The following NAGLU variants were observed in gnomAD, a reference collection of about 807,000 sequenced individuals.
NAGLU encodes N-acetyl-alpha-glucosaminidase.
Under a neutral mutation model 43.4 loss-of-function variants are expected in NAGLU, and 34 were observed. The observed-to-expected ratio is 0.78, with a 90% CI of 0.60 to 1.04. The LOEUF (loss-of-function observed/expected upper bound fraction) is 1.04, where lower values mean the gene tolerates loss of function less well. NAGLU is among the 50% of genes least tolerant of loss of function. The probability of loss-of-function intolerance (pLI) is 0.00; values close to 1 mark genes in which losing one functional copy is unlikely to be tolerated. For missense variants in NAGLU, 910 were observed against 993.7 expected, an observed-to-expected ratio of 0.92 and a Z score of 1.13; for synonymous variants, 425 against 437.6, an observed-to-expected ratio of 0.97 and a Z score of 0.36.
chr17:42,537,301 C>A, intron 1 of NAGLU, 97 bp from the exon 2 acceptor site: 2 of 1,582,698 alleles, frequency 1.3e-6, no homozygotes, highest in South Asian at 2.2e-5. Flanking sequence ...GAGTTTGGAG[C>A]CCCTCCCCTC....
chr17:42,537,509 A>C lies in NAGLU; in HGVS notation c.495A>C (p.Ala165=). The change falls in exon 2 of 6, where the codon GCA becomes GCC. Residue 165 remains alanine, a synonymous_variant. Coordinates refer to ENST00000225927, the MANE Select transcript of NAGLU (RefSeq NM_000263.4). ...DWMALNGINL[A]LAWSGQEAIW... is the part of the protein sequence containing the mutation. The stretch of plus-strand genomic sequence containing the variant: ...TGGCGCTGAATGGCATCAACCTGGC[A>C]CTGGCCTGGAGCGGCCAGGAGGCCA... 6.2e-7 allele frequency: 1 copy of C among 1,614,150 alleles called. No homozygotes were observed. The highest frequency in any genetic ancestry group is 8.5e-7 in the Non-Finnish European group (1 of 1,180,016).
chr17:42,543,128 C>G lies in NAGLU; in HGVS notation c.1122C>G (p.Pro374=), dbSNP rs780139603. ...AQIRAVLGAV[P]RGRLLVLDLF... ...TCAGGGCTGTGCTGGGAGCTGTGCC[C>G]CGTGGCCGCCTCCTGGTTCTGGACC... is the stretch of plus-strand genomic sequence containing the variant. The change falls in exon 6 of 6, where the codon CCC becomes CCG. Residue 374 remains proline, a synonymous_variant. Transcript: ENST00000225927. 2 of 1,613,678 alleles carry G rather than the reference C, an allele frequency of 1.2e-6. No individual in the cohort carries two copies.
rs2092929228 is a variant in NAGLU at position 42,543,823 on chromosome 17, T to C, written c.1817T>C (p.Leu606Pro). Residue 606 changes from leucine (L) to proline (P), a missense_variant, in exon 6 of 6, where the codon CTG (leucine) becomes CCG (proline). Coordinates refer to ENST00000225927, the MANE Select transcript of NAGLU (RefSeq NM_000263.4). ...CTGGCCTATGAGCTGCTGCCGGCAC[T>C]GGACGAGGTGCTGGCTAGTGACAGC... ...GVLAYELLPA[L>P]DEVLASDSRF... 5 of 1,603,316 alleles carry C rather than the reference T, an allele frequency of 3.1e-6. No homozygotes were observed. The highest frequency in any genetic ancestry group is 2.6e-6 in the Non-Finnish European group (3 of 1,175,380).
In NAGLU at chr17:42,536,519, G is replaced by A. The variant is rs1357649350; in HGVS notation, c.247G>A (p.Val83Met). 7.7e-7 allele frequency: 1 copy of A among 1,301,636 alleles called. No homozygotes were observed. The allele number at this position is 1,301,636 out of a possible 1,614,324, so 80.6% of individuals were successfully genotyped here. A position where few individuals can be genotyped will look rare whatever the true frequency, so the allele number is the denominator to read the frequency against. Residue 83 changes from valine (V) to methionine (M), a missense_variant, in exon 1 of 6, where the codon GTG (valine) becomes ATG (methionine). Coordinates refer to ENST00000225927, the MANE Select transcript of NAGLU (RefSeq NM_000263.4). The stretch of plus-strand genomic sequence containing the variant: ...CGTGCGGGTGCGCGGCTCCACGGGC[G>A]TGGCGGCCGCCGCGGGGCTGCACCG... ...ARVRVRGSTG[V>M]AAAAGLHRYL...
rs1227171021 is a variant in NAGLU at position 42,543,898 on chromosome 17, G to A, written c.1892G>A (p.Ser631Asn). The A allele has an allele frequency of 1.2e-6, 2 of 1,605,410 alleles. No individual in the cohort carries two copies. The highest frequency in any genetic ancestry group is 1.1e-5 in the South Asian group (1 of 89,884). Residue 631 changes from serine to asparagine, a missense_variant, in exon 6 of 6, where the codon AGT becomes AAT. Physicochemically the swap from Ser to Asn is conservative, Grantham distance 46. Coordinates refer to ENST00000225927, the MANE Select transcript of NAGLU (RefSeq NM_000263.4). ...GAGCAGGCCCGAGCAGCGGCAGTCA[G>A]TGAGGCCGAGGCCGATTTCTACGAG... ...WLEQARAAAVSEAEADFYEQN... is the reference protein window; with the variant it reads ...WLEQARAAAVNEAEADFYEQN...
chr17:42,536,397 C>G lies in NAGLU; in HGVS notation c.125C>G (p.Pro42Arg). 2 of 1,228,380 alleles carry G rather than the reference C, an allele frequency of 1.6e-6. No homozygotes were observed. Among genetic ancestry groups the G allele is most frequent in the Non-Finnish European group, 2.0e-6 (2 of 977,592 alleles). The allele number at this position is 1,228,380 out of a possible 1,614,324, so 76.1% of individuals were successfully genotyped here. ...VRALVARLLG[P>R]GPAADFSVSV... The stretch of plus-strand genomic sequence containing the variant: ...GCGCTCGTGGCCCGGCTGCTGGGGC[C>G]AGGCCCCGCGGCCGACTTCTCCGTG... The change falls in exon 1 of 6, where the codon CCA (proline) becomes CGA (arginine). Residue 42 changes from proline to arginine, a missense_variant. By Grantham distance (103) the Pro-to-Arg change is moderately radical. Coordinates refer to ENST00000225927, the MANE Select transcript of NAGLU (RefSeq NM_000263.4).
At chr17:42,539,104 G>A (rs1025543378) in intron 4 of NAGLU, among the ~76,000 whole-genome samples, 7 of 152,130 alleles carry the variant, frequency 4.6e-5, no homozygotes, top group South Asian at 2.1e-4. Flanking sequence ...CCTGGGTGAC[G>A]AGCGAAACTC....
intron 5 of NAGLU, among the ~76,000 whole-genome samples, chr17:42,542,084 A>G (rs2092922936): frequency 6.6e-6 from 1 of 150,980 alleles, no homozygotes. Flanking sequence ...TTGTTTTGAG[A>G]TAGAGTCTCG....
rs1396150639 is a variant in NAGLU at position 42,543,466 on chromosome 17, A to AC, written c.1463dup (p.Asp489GlyfsTer27). On this transcript the variant is annotated frameshift_variant, in exon 6 of 6. Coordinates refer to ENST00000225927, the MANE Select transcript of NAGLU (RefSeq NM_000263.4). LOFTEE classifies it low-confidence loss of function (END_TRUNC). Reference sequence around the variant, plus strand: ...GCCGCCCGGCGGTATGGGGTCTCCCACCCGGACGCAGGGGCAGCGTGGAGG... The same window carrying AC: ...GCCGCCCGGCGGTATGGGGTCTCCCACCCCGGACGCAGGGGCAGCGTGGAGG... 1 of 1,598,816 alleles carries AC rather than the reference A, an allele frequency of 6.3e-7. No individual in the cohort carries two copies. The highest frequency in any genetic ancestry group is 8.5e-7 in the Non-Finnish European group (1 of 1,174,708).
At chr17:42,542,099 G>A in intron 5 of NAGLU, among the ~76,000 whole-genome samples, 1 of 151,972 alleles carries the variant, frequency 6.6e-6, no homozygotes, top group East Asian at 1.9e-4. Context: ...GTCTCGCTCT[G>A]TCACCCAGGC....
chr17:42,538,935 A>C (rs921319861), intron 4 of NAGLU, among the ~76,000 whole-genome samples, 180 bp downstream of exon 4: 5 of 152,194 alleles, frequency 3.3e-5, no homozygotes, highest in African/African-American at 1.2e-4. Context: ...CAGCCTGGCC[A>C]ACATGGTGAA....
rs1187121246 is a variant in NAGLU at position 42,543,528 on chromosome 17, G to A, written c.1522G>A (p.Ala508Thr). ...GAGTGTGTACAACTGCTCCGGGGAG[G>A]CCTGCAGGGGCCACAATCGTAGCCC... ...LRSVYNCSGE[A>T]CRGHNRSPLV... Residue 508 changes from alanine to threonine, a missense_variant, in exon 6 of 6, where the codon GCC (alanine) becomes ACC (threonine). Ala to Thr is a moderately conservative substitution (Grantham distance 58). Coordinates refer to ENST00000225927, the MANE Select transcript of NAGLU (RefSeq NM_000263.4). 1 of 1,607,574 alleles carries A rather than the reference G, an allele frequency of 6.2e-7. No individual in the cohort carries two copies. The highest frequency in any genetic ancestry group is 8.5e-7 in the Non-Finnish European group (1 of 1,178,436).
At position 42,544,375 on chromosome 17, in the gene NAGLU, G is replaced by T; in HGVS notation, c.*137G>T. The T allele has an allele frequency of 7.4e-7, 1 of 1,346,830 alleles. No individual in the cohort carries two copies. The highest frequency in any genetic ancestry group is 1.0e-6 in the Non-Finnish European group (1 of 973,726). 83.4% of individuals were successfully genotyped at this position (1,346,830 alleles called of 1,614,324 possible). ...CTGCTGGTGGGGTCTGACCTGGGGG[G>T]ATTGGAGGGAAATGACCTGCCCTCC... On this transcript the variant is annotated 3_prime_UTR_variant, in exon 6 of 6. Transcript: ENST00000225927.
In NAGLU at chr17:42,543,494, A is replaced by C. The variant is rs752971320; in HGVS notation, c.1488A>C (p.Leu496=). The change falls in exon 6 of 6, where the codon CTA becomes CTC. Residue 496 remains leucine, a synonymous_variant. Coordinates refer to ENST00000225927, the MANE Select transcript of NAGLU (RefSeq NM_000263.4). ...CGGACGCAGGGGCAGCGTGGAGGCTACTGCTCCGGAGTGTGTACAACTGCT... is the reference window on the plus strand; with the variant it reads ...CGGACGCAGGGGCAGCGTGGAGGCTCCTGCTCCGGAGTGTGTACAACTGCT... The part of the protein sequence containing the change: ...SHPDAGAAWR[L]LLRSVYNCSG... The C allele has an allele frequency of 1.2e-6, 2 of 1,602,560 alleles. No homozygotes were observed. Among genetic ancestry groups the C allele is most frequent in the East Asian group, 4.5e-5 (2 of 44,502 alleles).
chr17:42,540,941 C>G lies in NAGLU; in HGVS notation c.765-9C>G. 1 of 1,614,152 alleles carries G rather than the reference C, an allele frequency of 6.2e-7. No homozygotes were observed. Among genetic ancestry groups the G allele is most frequent in the Non-Finnish European group, 8.5e-7 (1 of 1,180,038 alleles). On this transcript the variant is annotated splice_polypyrimidine_tract_variant and intron_variant, in intron 4 of 5. Coordinates refer to ENST00000225927, the MANE Select transcript of NAGLU (RefSeq NM_000263.4). ...TCCATGAAATATCTGAGCTTTTGCTCCCCACTAGGGTGTTCCCTCAGGTCA... is the reference window on the plus strand; with the variant it reads ...TCCATGAAATATCTGAGCTTTTGCTGCCCACTAGGGTGTTCCCTCAGGTCA...
In NAGLU at chr17:42,544,250, C is replaced by G. The variant is rs772571244; in HGVS notation, c.*12C>G. 3 of 1,606,724 alleles carry G rather than the reference C, an allele frequency of 1.9e-6. No homozygotes were observed. The highest frequency in any genetic ancestry group is 2.2e-5 in the South Asian group (2 of 91,072). Reference sequence around the variant, plus strand: ...CCGGCTCTTGGTGATAGATTCGCCACCACTGGGCCTTGTTTTCCGCTAATT... The same window carrying G: ...CCGGCTCTTGGTGATAGATTCGCCAGCACTGGGCCTTGTTTTCCGCTAATT... On this transcript the variant is annotated 3_prime_UTR_variant, in exon 6 of 6. Coordinates refer to ENST00000225927, the MANE Select transcript of NAGLU (RefSeq NM_000263.4).
At chr17:42,540,368 G>C (rs2092918320) in intron 4 of NAGLU, among the ~76,000 whole-genome samples, 1 of 149,264 alleles carries the variant, frequency 6.7e-6, no homozygotes, top group African/African-American at 2.5e-5. Flanking sequence ...AAACCTGCAT[G>C]TTCTGCACAG....
chr17:42,536,602 G>A lies in NAGLU; in HGVS notation c.330G>A (p.Leu110=). The change falls in exon 1 of 6, where the codon CTG becomes CTA. Residue 110 remains leucine, a synonymous_variant. Transcript: ENST00000225927. ...HVAWSGSQLR[L]PRPLPAVPGE... ...CCTGGTCCGGCTCTCAGCTGCGCCTGCCGCGGCCACTGCCAGCCGTGCCGG... is the reference window on the plus strand; with the variant it reads ...CCTGGTCCGGCTCTCAGCTGCGCCTACCGCGGCCACTGCCAGCCGTGCCGG... The A allele has an allele frequency of 6.7e-7, 1 of 1,493,426 alleles. No homozygotes were observed. The highest frequency in any genetic ancestry group is 2.2e-5 in the Admixed American group (1 of 45,538). The allele number at this position is 1,493,426 out of a possible 1,614,324, so 92.5% of individuals were successfully genotyped here. A position where few individuals can be genotyped will look rare whatever the true frequency, so the allele number is the denominator to read the frequency against.
At position 42,541,326 on chromosome 17, in the gene NAGLU, C is replaced by T. The variant is rs630539; in HGVS notation, c.1021+120C>T. On this transcript the variant is annotated intron_variant, in intron 5 of 5. Coordinates refer to ENST00000225927, the MANE Select transcript of NAGLU (RefSeq NM_000263.4). ...TGCCTCGCCATAACACACAGTACTT[C>T]ATAGTTTACCAAGCACGTGTACACA... The T allele has an allele frequency of 0.95, 1,336,944 of 1,401,936 alleles. 637,633 individuals carry two copies. The highest frequency in any genetic ancestry group is 1 in the East Asian group (41,107 of 41,122). 86.8% of individuals were successfully genotyped at this position (1,401,936 alleles called of 1,614,324 possible). A position where few individuals can be genotyped will look rare whatever the true frequency, so the allele number is the denominator to read the frequency against.
Sources: allele counts gnomAD v4.1 joint callset (sites outside exome capture counted in the v4.1 genomes callset), GRCh38; gene constraint gnomAD v4.1.1; transcripts MANE v1.5; gene names NCBI Gene and HGNC (gene_info 2026-07-23, HGNC 2026-07-21).